RAB40C: variants seen among roughly 807,000 people sequenced by gnomAD.
RAB40C encodes the protein RAB40C, member RAS oncogene family.
Under a neutral mutation model 28.1 loss-of-function variants are expected in RAB40C, and 8 were observed. The observed-to-expected ratio is 0.28, with a 90% confidence interval of 0.17 to 0.51. The LOEUF is 0.51. Ranked by LOEUF, RAB40C falls within the 20% of genes least tolerant of loss-of-function variation. The probability of loss-of-function intolerance (pLI) is 0.97; values close to 1 mark genes in which losing one functional copy is unlikely to be tolerated. For synonymous variants in RAB40C, 201 were observed against 171.7 expected (o/e 1.17, Z -1.34); for missense variants, 288 against 405.9 (o/e 0.71, Z 2.50).
At position 627,512 on chromosome 16, in the gene RAB40C, G is replaced by C; in HGVS notation, c.736G>C (p.Gly246Arg). 1 of 1,613,774 alleles carries C rather than the reference G, an allele frequency of 6.2e-7. No individual in the cohort carries two copies. The highest frequency in any genetic ancestry group is 8.5e-7 in the Non-Finnish European group (1 of 1,180,000). ...MHGRSYSLAS[G>R]AGGGGSKGNS... is the part of the protein sequence containing the mutation. ...CGGCCGTTCCTACTCCCTGGCCAGCGGGGCCGGGGGCGGCGGCAGCAAGGG... is the reference window on the plus strand; with the variant it reads ...CGGCCGTTCCTACTCCCTGGCCAGCCGGGCCGGGGGCGGCGGCAGCAAGGG... Residue 246 changes from glycine to arginine, a missense_variant, in exon 6 of 6, where the codon GGG becomes CGG. Physicochemically the swap from Gly to Arg is moderately radical, Grantham distance 125 (BLOSUM62 -2). Coordinates refer to ENST00000248139, the MANE Select transcript of RAB40C (RefSeq NM_021168.5).
At chr16:607,654 G>A (rs1226844149) in intron 1 of RAB40C, among the ~76,000 whole-genome samples, 5 of 152,084 alleles carry the variant, frequency 3.3e-5, no homozygotes, top group African/African-American at 4.8e-5. Context: ...AGGCAGGCGC[G>A]GTGGTGGGCG....
chr16:605,587 T>C (rs2036344103), intron 1 of RAB40C, among the ~76,000 whole-genome samples: 1 of 152,206 alleles, frequency 6.6e-6, no homozygotes, highest in Non-Finnish European at 1.5e-5. Flanking sequence ...CTGCCTTCTT[T>C]CCATGTCTTC....
At chr16:622,475 G>A (rs1055874082) in intron 3 of RAB40C, among the ~76,000 whole-genome samples, 2 of 152,216 alleles carry the variant, frequency 1.3e-5, no homozygotes, top group South Asian at 2.1e-4. Context: ...GGGCGAGCGC[G>A]CGTCCTGACT....
chr16:622,212 G>T (rs2036733273), intron 3 of RAB40C, among the ~76,000 whole-genome samples: 1 of 152,202 alleles, frequency 6.6e-6, no homozygotes, highest in African/African-American at 2.4e-5. Flanking sequence ...AATTTATCGT[G>T]TAGGTCGAGT....
At chr16:617,035 G>T in intron 1 of RAB40C, 173 bp from the exon 2 acceptor site, 1 of 681,924 alleles carries the variant, frequency 1.5e-6, no homozygotes, top group Non-Finnish European at 2.5e-6. Context: ...GCAGGCCTGG[G>T]TTGCTGGGCC....
intron 3 of RAB40C, chr16:624,972 C>G: frequency 7.8e-7 from 1 of 1,289,354 alleles, no homozygotes; most frequent in South Asian, 1.2e-5. Flanking sequence ...AGAAACTGTC[C>G]TGGAGGGACT....
intron 1 of RAB40C, among the ~76,000 whole-genome samples, chr16:608,246 A>G (rs1025313845): frequency 1.1e-4 from 17 of 152,192 alleles, no homozygotes; most frequent in Non-Finnish European, 2.1e-4. Context: ...TAAAACCATC[A>G]GGTGTCGGGA....
chr16:590,545 A>G, intron 1 of RAB40C, 112 bp downstream of exon 1: 1 of 1,313,508 alleles, frequency 7.6e-7, no homozygotes, highest in Non-Finnish European at 9.9e-7. Flanking sequence ...GTTCCCAGGA[A>G]CGCCTTTGCC....
intron 3 of RAB40C, 70 bp downstream of exon 3, chr16:618,330 T>C (rs1025129472): frequency 5.5e-5 from 79 of 1,441,702 alleles, no homozygotes; most frequent in Non-Finnish European, 7.1e-5. Context: ...GAATGTGAGT[T>C]GTTGTCCTGT....
At chr16:598,773 G>C (rs1567184847) in intron 1 of RAB40C, among the ~76,000 whole-genome samples, 1 of 152,086 alleles carries the variant, frequency 6.6e-6, no homozygotes, top group Non-Finnish European at 1.5e-5. Flanking sequence ...GAGGATGGAA[G>C]AAGAGAAGAG....
rs147313965 is a variant in RAB40C, at chr16:615,519, C to T, written c.143-1689C>T. Among the ~76,000 whole-genome samples the T allele has an allele frequency of 1.8e-3, 270 of 152,202 alleles. 4 individuals are homozygous for T. Among genetic ancestry groups the T allele is most frequent in the African/African-American group, 6.4e-3 (264 of 41,512 alleles). On this transcript the variant is annotated intron_variant, in intron 1 of 5. Coordinates refer to ENST00000248139, the MANE Select transcript of RAB40C (RefSeq NM_021168.5). ...TCTAAGGTGGGGGAAGGGGCTGAGC[C>T]CTAAAGGTAGAAGCTTCTGGAAAGT... is the stretch of plus-strand genomic sequence containing the variant.
chr16:624,890 A>C (rs2036795053), intron 3 of RAB40C: 25 of 1,263,938 alleles, frequency 2.0e-5, no homozygotes, highest in Non-Finnish European at 2.5e-5. Flanking sequence ...AGCTCCAAGT[A>C]ATTGGTCTCT....
chr16:596,045 C>T (rs1240236142), intron 1 of RAB40C, among the ~76,000 whole-genome samples: 3 of 152,272 alleles, frequency 2.0e-5, no homozygotes, highest in Non-Finnish European at 4.4e-5. Context: ...TTAATGTCCA[C>T]CTCCAGTCCT....
chr16:606,937 C>T (rs2036372039), intron 1 of RAB40C, among the ~76,000 whole-genome samples: 1 of 152,222 alleles, frequency 6.6e-6, no homozygotes. Context: ...CAGCAGCAAA[C>T]AGCCCCTGCA....
intron 1 of RAB40C, among the ~76,000 whole-genome samples, chr16:590,905 G>A (rs2035981921): frequency 6.7e-6 from 1 of 149,676 alleles, no homozygotes; most frequent in Non-Finnish European, 1.5e-5. Flanking sequence ...CTGGGGTCTG[G>A]GAGAAGGTGT....
At position 625,419 on chromosome 16, in the gene RAB40C, GTC is replaced by G. The variant is rs754700018; in HGVS notation, c.265-9_265-8del. 51 of 1,612,660 alleles carry G rather than the reference GTC, an allele frequency of 3.2e-5. 1 individual carries two copies. The South Asian group carries it at 5.3e-4, about 17-fold the overall frequency. On this transcript the variant is annotated splice_polypyrimidine_tract_variant and intron_variant, in intron 3 of 5. Coordinates refer to ENST00000248139, the MANE Select transcript of RAB40C (RefSeq NM_021168.5). ...GTCAGTGACCCCTGATGACCCCCAAGTCTCTGTTGCAGGGGATCCTCTTGGTG... is the reference window on the plus strand; with the variant it reads ...GTCAGTGACCCCTGATGACCCCCAAGTCTGTTGCAGGGGATCCTCTTGGTG...
At chr16:601,279 G>C (rs2384974) in intron 1 of RAB40C, among the ~76,000 whole-genome samples, 70,379 of 152,028 alleles carry the variant, frequency 0.46, 16,687 homozygotes, top group East Asian at 0.63. Context: ...CTGAAAGTGT[G>C]CATCCTTTCT....
rs1454981444 is a variant in RAB40C at position 626,138 on chromosome 16, C to T, written c.565+17C>T. ...CCAACCGAGGTGGGTGGGCGGGCGC[C>T]GGCCAGCCCTGAGGTCCCCGAACCT... On this transcript the variant is annotated intron_variant, in intron 5 of 5. Transcript: ENST00000248139. 9.4e-6 allele frequency: 15 copies of T among 1,603,634 alleles called. No homozygotes were observed. In the Admixed American group the frequency reaches 1.5e-4, roughly 16 times the overall value.
intron 1 of RAB40C, among the ~76,000 whole-genome samples, chr16:596,135 C>T (rs932390009): frequency 5.9e-5 from 9 of 152,234 alleles, no homozygotes; most frequent in East Asian, 1.9e-4. Flanking sequence ...CCAGGTCTCT[C>T]GCAGGGTGGT....
Sources: allele counts gnomAD v4.1 joint callset (sites outside exome capture counted in the v4.1 genomes callset), GRCh38; gene constraint gnomAD v4.1.1; transcripts MANE v1.5; gene names NCBI Gene and HGNC (gene_info 2026-07-23, HGNC 2026-07-21).